The following POLG2 variants were observed in gnomAD, a reference collection of about 807,000 sequenced individuals.
POLG2 encodes the protein DNA polymerase subunit gamma-2.
Under a neutral mutation model 56.5 loss-of-function variants are expected in POLG2, and 50 were observed. That is an observed-to-expected ratio of 0.88 (90% CI 0.71 to 1.12). POLG2 has a LOEUF of 1.12. POLG2 is among the 50% of genes most tolerant of loss of function. The pLI is 0.00. For synonymous variants in POLG2, 226 were observed against 222.6 expected (o/e 1.02, Z -0.14); for missense variants, 584 against 583.3 (o/e 1.00, Z -0.01).
intron 1 of POLG2, among the ~76,000 whole-genome samples, chr17:64,493,698 G>A (rs2038103358): frequency 6.6e-6 from 1 of 152,092 alleles, no homozygotes; most frequent in Non-Finnish European, 1.5e-5. Context: ...GTGTTAGCCA[G>A]GTTGGTCTCG....
rs782259061 is a variant in POLG2, at chr17:64,488,593, C to G, written c.969+2203G>C. 2.6e-4 allele frequency among the ~76,000 whole-genome samples: 39 copies of G among 152,212 alleles called. 1 individual carries two copies. Among genetic ancestry groups the G allele is most frequent in the Middle Eastern group, 3.4e-3 (1 of 294 alleles). On this transcript the variant is annotated intron_variant, in intron 4 of 7. Coordinates refer to ENST00000539111, the MANE Select transcript of POLG2 (RefSeq NM_007215.4). ...ACACTAATAGCCACAATACAAAAAT[C>G]ATCTTTAAATCCCTAGTCACAAGGT...
chr17:64,492,466 T>C (rs1357677489), intron 3 of POLG2, among the ~76,000 whole-genome samples: 1 of 152,190 alleles, frequency 6.6e-6, no homozygotes, highest in African/African-American at 2.4e-5. Context: ...AACAAACACA[T>C]CTGAGCCCAA....
chr17:64,490,018 G>T (rs782602937), intron 4 of POLG2, among the ~76,000 whole-genome samples: 1 of 151,482 alleles, frequency 6.6e-6, no homozygotes, highest in East Asian at 1.9e-4. Flanking sequence ...TCCACCTCCC[G>T]GGTTCAAGCG....
intron 4 of POLG2, among the ~76,000 whole-genome samples, chr17:64,488,142 T>C (rs2037990799): frequency 6.6e-6 from 1 of 152,118 alleles, no homozygotes; most frequent in Non-Finnish European, 1.5e-5. Flanking sequence ...GGCAGGAGGA[T>C]TGCTTGAGCC....
At chr17:64,482,251 A>C (rs1234542312) in intron 6 of POLG2, among the ~76,000 whole-genome samples, 1 of 151,428 alleles carries the variant, frequency 6.6e-6, no homozygotes, top group Non-Finnish European at 1.5e-5. Flanking sequence ...TTACAGGCAC[A>C]TACCATTATG....
chr17:64,480,071 T>C (rs2037831633), intron 7 of POLG2, among the ~76,000 whole-genome samples: 1 of 152,254 alleles, frequency 6.6e-6, no homozygotes, highest in Non-Finnish European at 1.5e-5. Context: ...ACATTAAGTC[T>C]TGGAACTACA....
chr17:64,483,913 T>A (rs1378462145), intron 5 of POLG2: 3 of 152,288 alleles, frequency 2.0e-5, no homozygotes, highest in African/African-American at 7.2e-5. Context: ...AGTTTTGCCA[T>A]GTTGCCCAGA....
intron 3 of POLG2, chr17:64,491,866 C>T: frequency 3.4e-6 from 1 of 293,412 alleles, no homozygotes. Context: ...TCGATTGTTG[C>T]TGAATCCTTT....
At chr17:64,491,493 G>A in intron 3 of POLG2, 1 of 1,390,964 alleles carries the variant, frequency 7.2e-7, no homozygotes, top group Admixed American at 1.7e-5. Flanking sequence ...CCGGGCAAAA[G>A]AGTGAGACTA....
chr17:64,491,095 G>T, intron 3 of POLG2, 126 bp from the exon 4 acceptor site: 1 of 743,472 alleles, frequency 1.3e-6, no homozygotes, highest in Non-Finnish European at 2.3e-6. Context: ...AACTAGTCAA[G>T]TCCCGAATAC....
intron 4 of POLG2, 72 bp from the exon 5 acceptor site, chr17:64,485,940 T>A: frequency 1.4e-6 from 2 of 1,475,992 alleles, no homozygotes; most frequent in Non-Finnish European, 1.9e-6. Flanking sequence ...TGAGACGGAG[T>A]CTCACTCTGT....
chr17:64,496,283 A>T (rs1449133646), intron 1 of POLG2, 124 bp downstream of exon 1: 1 of 677,500 alleles, frequency 1.5e-6, no homozygotes, highest in African/African-American at 1.8e-5. Flanking sequence ...TACTTCAAAA[A>T]GATGAGAACT....
Position 64,496,141 on chromosome 17 carries a change from A to G in POLG2, c.562+266T>C, listed in dbSNP as rs545758922. 1.2e-4 allele frequency among the ~76,000 whole-genome samples: 19 copies of G among 152,370 alleles called. No homozygotes were observed. The South Asian group carries it at 2.9e-3, about 23-fold the overall frequency. On this transcript the variant is annotated intron_variant, in intron 1 of 7. Transcript: ENST00000539111. ...CACTTAGACTACATTGCACTAAATG[A>G]CAGCACTGTGTTCAGAAGTTGCCCC...
At position 64,482,911 on chromosome 17, in the gene POLG2, T is replaced by C; in HGVS notation, c.1191+8A>G. On this transcript the variant is annotated splice_region_variant and intron_variant, in intron 6 of 7. Coordinates refer to ENST00000539111, the MANE Select transcript of POLG2 (RefSeq NM_007215.4). ...AATTAAAATGACATTTAAACTCATT[T>C]AACTCACCTGTCTTAGTTCCAATGT... 1 of 1,476,582 alleles carries C rather than the reference T, an allele frequency of 6.8e-7. No homozygotes were observed. The highest frequency in any genetic ancestry group is 2.3e-5 in the East Asian group (1 of 44,248). The allele number at this position is 1,476,582 out of a possible 1,614,324, so 91.5% of individuals were successfully genotyped here.
At position 64,497,019 on chromosome 17, in the gene POLG2, C is replaced by A. The variant is rs1259519118; in HGVS notation, c.-51G>T. 1 of 1,517,160 alleles carries A rather than the reference C, an allele frequency of 6.6e-7. No homozygotes were observed. Among genetic ancestry groups the A allele is most frequent in the African/African-American group, 1.4e-5 (1 of 73,434 alleles). The allele number at this position is 1,517,160 out of a possible 1,614,324, so 94.0% of individuals were successfully genotyped here. ...TCTCCCATCACTCAACGGATCCCAA[C>A]AAGCCACCACTACCGTTAACAGAAT... is the stretch of plus-strand genomic sequence containing the variant. On this transcript the variant is annotated 5_prime_UTR_variant, in exon 1 of 8. Transcript: ENST00000539111.
intron 4 of POLG2, among the ~76,000 whole-genome samples, chr17:64,486,361 C>T (rs1321912895): frequency 5.7e-5 from 8 of 141,324 alleles, no homozygotes; most frequent in African/African-American, 2.0e-4. Flanking sequence ...AAAGGTAACA[C>T]TTTTTTTTTT....
rs987088978 is a variant in POLG2, at chr17:64,488,730, A to G, written c.969+2066T>C. Among the ~76,000 whole-genome samples the G allele has an allele frequency of 2.0e-5, 3 of 152,156 alleles. No homozygotes were observed. In the East Asian group the frequency reaches 5.8e-4, roughly 29 times the overall value. On this transcript the variant is annotated intron_variant, in intron 4 of 7. Coordinates refer to ENST00000539111, the MANE Select transcript of POLG2 (RefSeq NM_007215.4). ...AAAGGAAAATGTTCACCAGTTAATA[A>G]GCCTTCTAGTTTTTCATTAGTTATT...
chr17:64,488,350 T>C (rs561037212), intron 4 of POLG2, among the ~76,000 whole-genome samples: 99 of 152,294 alleles, frequency 6.5e-4, no homozygotes, highest in African/African-American at 2.3e-3. Flanking sequence ...AACAATGTCA[T>C]GGAAGAGAAA....
Position 64,477,988 on chromosome 17 carries a change from C to G in POLG2, c.1293G>C (p.Lys431Asn), listed in dbSNP as rs863224170. 6.2e-7 allele frequency: 1 copy of G among 1,613,330 alleles called. No individual in the cohort carries two copies. The highest frequency in any genetic ancestry group is 8.5e-7 in the Non-Finnish European group (1 of 1,179,598). The change falls in exon 8 of 8, where the codon AAG (lysine) becomes AAC (asparagine). Residue 431 changes from lysine (K) to asparagine (N), a missense_variant and splice_region_variant. Physicochemically the swap from Lys to Asn is moderately conservative, Grantham distance 94. Transcript: ENST00000539111. The stretch of plus-strand genomic sequence containing the variant: ...TGAAGAGAATACTCATTTCATCATA[C>G]CTAAGAAAAAAGTAGTTAAACAGAC... The part of the protein sequence containing the change: ...MQSSLEQLYS[K>N]YDEMSILFTV...
Sources: gnomAD v4.1 joint callset for allele counts (sites outside exome capture counted in the v4.1 genomes callset) on GRCh38, gnomAD v4.1.1 for gene constraint, MANE v1.5 for transcripts, NCBI Gene and HGNC (gene_info 2026-07-23, HGNC 2026-07-21) for gene names.